RGS7: variants seen among roughly 807,000 people sequenced by gnomAD.
The protein encoded by RGS7 is regulator of G-protein signaling 7.
Under a neutral mutation model 81.1 loss-of-function variants are expected in RGS7, and 27 were observed. The ratio of observed to expected loss-of-function variants is 0.33; its 90% CI spans 0.25 to 0.46. The LOEUF is 0.46. Among genes scored for constraint, RGS7 ranks in the 20% least tolerant of loss-of-function variants. The pLI is 1.00. For missense variants in RGS7, 396 were observed against 607.4 expected (o/e 0.65, Z 3.66); for synonymous variants, 208 against 207.7 (o/e 1.00, Z -0.01).
rs143389114 is a variant in RGS7, at chr1:241,246,248, A to G, written c.78+109451T>C. Among the ~76,000 whole-genome samples, 7 of 152,278 alleles carry G rather than the reference A, an allele frequency of 4.6e-5. No individual in the cohort carries two copies. The East Asian group carries it at 1.2e-3, about 25-fold the overall frequency. On this transcript the variant is annotated intron_variant, in intron 2 of 18. Coordinates refer to ENST00000440928, the MANE Select transcript of RGS7 (RefSeq NM_001364886.1). ...ATAGCAGGAAAGGTATGTAGGCCACAGAGTCTGCTTGAGGGTGAGATATAA... is the reference window on the plus strand; with the variant it reads ...ATAGCAGGAAAGGTATGTAGGCCACGGAGTCTGCTTGAGGGTGAGATATAA...
chr1:240,810,650 A>T (rs1428588899), intron 14 of RGS7, among the ~76,000 whole-genome samples: 1 of 152,046 alleles, frequency 6.6e-6, no homozygotes, highest in Non-Finnish European at 1.5e-5. Flanking sequence ...GGAGTTTGCC[A>T]TGTTGGCCAG....
intron 2 of RGS7, among the ~76,000 whole-genome samples, chr1:241,117,597 A>C (rs1328574958): frequency 3.9e-5 from 6 of 152,194 alleles, no homozygotes; most frequent in Admixed American, 2.0e-4. Flanking sequence ...CTTAAGCAGA[A>C]CTGCAGCAAT....
intron 9 of RGS7, among the ~76,000 whole-genome samples, chr1:240,859,438 C>T (rs1572453970): frequency 3.4e-5 from 4 of 118,372 alleles, no homozygotes; most frequent in African/African-American, 3.5e-5. Context: ...TCTTTCTTTC[C>T]TGTTTTTTTT....
rs1558383065 is a variant in RGS7, at chr1:240,868,251, G to A, written c.609+336C>T. 6.6e-6 allele frequency among the ~76,000 whole-genome samples: 1 copy of A among 152,122 alleles called. No individual in the cohort carries two copies. Among genetic ancestry groups the A allele is most frequent in the African/African-American group, 2.4e-5 (1 of 41,446 alleles). On this transcript the variant is annotated intron_variant, in intron 9 of 18. Transcript: ENST00000440928. The surrounding 1 kb of genome is among the most constrained non-coding windows in gnomAD (Gnocchi z 5.1). ...AGGGCAGGAATAACACTTGTACTAT[G>A]AAGCCAGAAAAATGTAAACAATAAA...
chr1:241,259,667 A>AAAAAAAAATATATAT, intron 2 of RGS7, among the ~76,000 whole-genome samples: 13 of 49,142 alleles, frequency 2.6e-4, no homozygotes, highest in Admixed American at 7.7e-4. Context: ...AAAAAAAAAA[A>AAAAAAAAATATATAT]ATATATATAT....
At chr1:241,250,229 T>C (rs1418212583) in intron 2 of RGS7, among the ~76,000 whole-genome samples, 1 of 152,192 alleles carries the variant, frequency 6.6e-6, no homozygotes, top group Non-Finnish European at 1.5e-5. Context: ...TATATCCTTT[T>C]CTATTTAATA....
At chr1:241,044,600 A>AT (rs770183617) in intron 3 of RGS7, among the ~76,000 whole-genome samples, 120 of 149,924 alleles carry the variant, frequency 8.0e-4, no homozygotes, top group African/African-American at 1.3e-3. Flanking sequence ...TTTAAAATTT[A>AT]TTTATTTTTT....
Position 241,032,805 on chromosome 1 carries a change from C to T in RGS7, c.176-49676G>A, listed in dbSNP as rs183532813. Reference sequence around the variant, plus strand: ...TCATCATTATTTGTGTATACAAATGCTACTGATTTTTGCATGTTGATTTTG... The same window carrying T: ...TCATCATTATTTGTGTATACAAATGTTACTGATTTTTGCATGTTGATTTTG... On this transcript the variant is annotated intron_variant, in intron 3 of 18. Coordinates refer to ENST00000440928, the MANE Select transcript of RGS7 (RefSeq NM_001364886.1). Among the ~76,000 whole-genome samples, 59 of 152,154 alleles carry T rather than the reference C, an allele frequency of 3.9e-4. No individual in the cohort carries two copies. In the East Asian group the frequency reaches 0.01, roughly 27 times the overall value.
chr1:241,137,101 T>A (rs771762139), intron 2 of RGS7, among the ~76,000 whole-genome samples: 4 of 152,228 alleles, frequency 2.6e-5, no homozygotes, highest in Non-Finnish European at 5.9e-5. Context: ...AGGCATCATA[T>A]CATCAGGAAG....
At chr1:240,921,940 A>G (rs1189751118) in intron 6 of RGS7, among the ~76,000 whole-genome samples, 1 of 152,094 alleles carries the variant, frequency 6.6e-6, no homozygotes, top group African/African-American at 2.4e-5. Context: ...AAATTACACA[A>G]CACAATACTG....
At chr1:240,848,765 C>T (rs1258762977) in intron 9 of RGS7, among the ~76,000 whole-genome samples, 1 of 151,956 alleles carries the variant, frequency 6.6e-6, no homozygotes, top group African/African-American at 2.4e-5. Context: ...GAAAAAAACT[C>T]AATTCTCCCA....
chr1:241,274,849 T>G (rs1314640439), intron 2 of RGS7, among the ~76,000 whole-genome samples: 1 of 152,204 alleles, frequency 6.6e-6, no homozygotes, highest in Non-Finnish European at 1.5e-5. Context: ...CCTGAGAAAT[T>G]AGACTGAATT....
chr1:241,131,236 AG>A (rs1246767201), intron 2 of RGS7, among the ~76,000 whole-genome samples: 1 of 152,220 alleles, frequency 6.6e-6, no homozygotes, highest in Non-Finnish European at 1.5e-5. Context: ...AGGAAAAAAA[AG>A]CCAAATGACA....
intron 2 of RGS7, among the ~76,000 whole-genome samples, 200 bp downstream of exon 2, chr1:241,355,499 G>GGAA (rs2083504141): frequency 1.3e-5 from 2 of 152,138 alleles, no homozygotes; most frequent in Non-Finnish European, 2.9e-5. Flanking sequence ...ACGTGAGGAG[G>GGAA]CCTCATTTAC....
chr1:240,784,409 G>C (rs1684682979), intron 18 of RGS7, among the ~76,000 whole-genome samples: 1 of 151,896 alleles, frequency 6.6e-6, no homozygotes, highest in Non-Finnish European at 1.5e-5. Context: ...GGGAGGTAGA[G>C]GCGGGCAGAT....
At chr1:241,299,160 T>C (rs2079590149) in intron 2 of RGS7, among the ~76,000 whole-genome samples, 1 of 152,176 alleles carries the variant, frequency 6.6e-6, no homozygotes, top group Non-Finnish European at 1.5e-5. Context: ...AAATAATACA[T>C]ATTTAAGCAG....
chr1:241,278,538 T>C (rs933760573), intron 2 of RGS7, among the ~76,000 whole-genome samples: 1 of 152,168 alleles, frequency 6.6e-6, no homozygotes, highest in South Asian at 2.1e-4. Flanking sequence ...CAGAGTTGGG[T>C]GAAGGCAGCT....
At chr1:240,932,463 A>G (rs1675617524) in intron 5 of RGS7, among the ~76,000 whole-genome samples, 1 of 150,880 alleles carries the variant, frequency 6.6e-6, no homozygotes, top group South Asian at 2.1e-4. Context: ...ATTCTAGGAT[A>G]GCCCTAGGGG....
intron 2 of RGS7, among the ~76,000 whole-genome samples, chr1:241,208,479 A>G (rs908240020): frequency 2.6e-5 from 4 of 152,034 alleles, no homozygotes; most frequent in African/African-American, 9.7e-5. Context: ...TTTCCTCCCA[A>G]CACCTACCTC....
Sources: allele counts gnomAD v4.1 joint callset (sites outside exome capture counted in the v4.1 genomes callset), GRCh38; gene constraint gnomAD v4.1.1; non-coding constraint Gnocchi (gnomAD v3.1); transcripts MANE v1.5; gene names NCBI Gene and HGNC (gene_info 2026-07-23, HGNC 2026-07-21).